The following CAMSAP2 variants were observed in gnomAD, a reference collection of about 807,000 sequenced individuals.
CAMSAP2 encodes calmodulin-regulated spectrin-associated protein 2.
CAMSAP2 carries 26 observed loss-of-function variants against 146.1 expected under a neutral mutation model. The observed-to-expected ratio is 0.18, with a 90% CI of 0.13 to 0.25. The LOEUF (loss-of-function observed/expected upper bound fraction) is 0.25. CAMSAP2 is among the 10% of genes least tolerant of loss of function. The pLI is 1.00. For missense variants in CAMSAP2, 1,381 were observed against 1,759.3 expected (o/e 0.78, Z 3.85); for synonymous variants, 499 against 596.6 (o/e 0.84, Z 2.38).
chr1:200,822,670 C>T (rs1034605752), intron 4 of CAMSAP2, among the ~76,000 whole-genome samples: 5 of 152,302 alleles, frequency 3.3e-5, no homozygotes, highest in Admixed American at 6.5e-5. Flanking sequence ...CCTCTTTTAT[C>T]CTCAGAGGAT....
rs988870423 is a variant in CAMSAP2, at chr1:200,807,493, C to G, written c.517C>G (p.Leu173Val). The G allele has an allele frequency of 6.2e-7, 1 of 1,611,568 alleles. No homozygotes were observed. The highest frequency in any genetic ancestry group is 8.5e-7 in the Non-Finnish European group (1 of 1,178,852). The change falls in exon 3 of 17, where the codon CTG becomes GTG. Residue 173 changes from leucine to valine, a missense_variant. This residue lies in a region of CAMSAP2 where 284 missense variants were observed against 406.9 expected (regional missense o/e 0.70). Transcript: ENST00000358823. Reference protein sequence around the residue: ...QYSAFFQATDLPYDIEDAVMY... With the variant: ...QYSAFFQATDVPYDIEDAVMY... ...TTCAGCTTTTTTTCAAGCCACAGAT[C>G]TGCCCTATGATATTGAGGACGCTGT...
rs552433062 is a variant in CAMSAP2, at chr1:200,761,042, A to G, written c.343A>G (p.Thr115Ala). ...TTTAGCACAGAAAGGTCTTTATGTC[A>G]CTGACCAGGAAAAATTGGTAACTGA... is the stretch of plus-strand genomic sequence containing the variant. ...QALAQKGLYV[T>A]DQEKLVTERD... The change falls in exon 2 of 17, where the codon ACT becomes GCT. Residue 115 changes from threonine to alanine, a missense_variant. This residue lies in a region of CAMSAP2 where 284 missense variants were observed against 406.9 expected (regional missense o/e 0.70). Transcript: ENST00000358823. 27 of 1,614,036 alleles carry G rather than the reference A, an allele frequency of 1.7e-5. No homozygotes were observed. The East Asian group carries it at 5.1e-4, about 31-fold the overall frequency.
chr1:200,755,316 A>G (rs1664617571), intron 1 of CAMSAP2, among the ~76,000 whole-genome samples: 1 of 152,238 alleles, frequency 6.6e-6, no homozygotes, highest in African/African-American at 2.4e-5. Flanking sequence ...ATAAAGAGAT[A>G]TATATCTGAA....
At chr1:200,818,113 C>A (rs1253756538) in intron 4 of CAMSAP2, among the ~76,000 whole-genome samples, 3 of 152,114 alleles carry the variant, frequency 2.0e-5, no homozygotes, top group Admixed American at 2.0e-4. Flanking sequence ...TGGCATCATT[C>A]TAAATTATAA....
intron 2 of CAMSAP2, among the ~76,000 whole-genome samples, chr1:200,798,888 A>C (rs1447896817): frequency 6.6e-6 from 1 of 151,000 alleles, no homozygotes; most frequent in Non-Finnish European, 1.5e-5. Context: ...GCGTTGTTGA[A>C]TTTTGTCAAA....
intron 1 of CAMSAP2, among the ~76,000 whole-genome samples, chr1:200,740,343 GTTTC>G (rs1664128144): frequency 1.3e-5 from 2 of 152,000 alleles, no homozygotes; most frequent in African/African-American, 4.8e-5. Flanking sequence ...ATCTGAGTTG[GTTTC>G]TTTATTATTG....
At chr1:200,850,727 A>G (rs1667598397) in intron 11 of CAMSAP2, among the ~76,000 whole-genome samples, 1 of 152,216 alleles carries the variant, frequency 6.6e-6, no homozygotes, top group South Asian at 2.1e-4. Flanking sequence ...ATTTATTTAC[A>G]CATCTTCACC....
chr1:200,845,716 A>C (rs1417608893), intron 8 of CAMSAP2, among the ~76,000 whole-genome samples: 1 of 152,176 alleles, frequency 6.6e-6, no homozygotes, highest in Non-Finnish European at 1.5e-5. Flanking sequence ...TCAAACAATA[A>C]AAATTTCAAG....
intron 2 of CAMSAP2, among the ~76,000 whole-genome samples, chr1:200,798,019 C>T (rs1665932994): frequency 6.6e-6 from 1 of 151,544 alleles, no homozygotes; most frequent in African/African-American, 2.4e-5. Context: ...CTGTCCTGTT[C>T]CATTGATCTA....
intron 1 of CAMSAP2, among the ~76,000 whole-genome samples, chr1:200,743,131 T>G (rs947187850): frequency 1.3e-5 from 2 of 152,204 alleles, no homozygotes; most frequent in African/African-American, 2.4e-5. Flanking sequence ...TTGAAGAGCT[T>G]AACCCATTTA....
chr1:200,838,017 A>G (rs1354085198), intron 6 of CAMSAP2, among the ~76,000 whole-genome samples: 1 of 152,316 alleles, frequency 6.6e-6, no homozygotes, highest in South Asian at 2.1e-4. Flanking sequence ...AAAAGAAGGA[A>G]AGAAGAAGCT....
At position 200,800,297 on chromosome 1, in the gene CAMSAP2, C is replaced by CT. The variant is rs536668996; in HGVS notation, c.400-7078dup. Among the ~76,000 whole-genome samples, 720 of 152,174 alleles carry CT rather than the reference C, an allele frequency of 4.7e-3. 7 individuals are homozygous for CT. Among genetic ancestry groups the CT allele is most frequent in the Non-Finnish European group, 8.3e-3 (567 of 67,990 alleles). ...TCTCCCACTATTATTGTGTGGGAGT[C>CT]TAAGTCTCTTTGTAGGCCTCTAAGA... On this transcript the variant is annotated intron_variant, in intron 2 of 16. Coordinates refer to ENST00000358823, the MANE Select transcript of CAMSAP2 (RefSeq NM_203459.4).
chr1:200,804,427 A>G (rs752380474), intron 2 of CAMSAP2, among the ~76,000 whole-genome samples: 7 of 152,154 alleles, frequency 4.6e-5, no homozygotes, highest in African/African-American at 1.2e-4. Context: ...GTTGTATAAT[A>G]TTATAATGGT....
intron 2 of CAMSAP2, among the ~76,000 whole-genome samples, chr1:200,803,157 C>T (rs150135406): frequency 3.9e-5 from 6 of 152,304 alleles, no homozygotes; most frequent in African/African-American, 1.4e-4. Context: ...GGATTTAAGT[C>T]TGCAGGTGTG....
chr1:200,759,644 A>G (rs1664745948), intron 1 of CAMSAP2, among the ~76,000 whole-genome samples: 1 of 152,224 alleles, frequency 6.6e-6, no homozygotes, highest in Admixed American at 6.5e-5. Flanking sequence ...AAAGCTGCCT[A>G]TTCAGGAAAC....
At position 200,739,525 on chromosome 1, in the gene CAMSAP2, C is replaced by T. The variant is rs1457018934; in HGVS notation, c.-303C>T. 3.6e-5 allele frequency: 6 copies of T among 166,672 alleles called. No individual in the cohort carries two copies. 10.3% of individuals were successfully genotyped at this position (166,672 alleles called of 1,614,324 possible). On this transcript the variant is annotated 5_prime_UTR_variant, in exon 1 of 17. Coordinates refer to ENST00000358823, the MANE Select transcript of CAMSAP2 (RefSeq NM_203459.4). The surrounding 1 kb of genome is among the most constrained non-coding windows in gnomAD (Gnocchi z 4.8). Reference sequence around the variant, plus strand: ...GGAGGCGGCCTCGCTCACACGCGGGCTCGCGGGGCGGGTGGCTCGGAGGGG... The same window carrying T: ...GGAGGCGGCCTCGCTCACACGCGGGTTCGCGGGGCGGGTGGCTCGGAGGGG...
chr1:200,742,805 G>A (rs1664217053), intron 1 of CAMSAP2, among the ~76,000 whole-genome samples: 1 of 151,830 alleles, frequency 6.6e-6, no homozygotes, highest in Non-Finnish European at 1.5e-5. Flanking sequence ...CATTTAAAAT[G>A]ATAGCTAGAA....
At chr1:200,762,520 A>G (rs565001529) in intron 2 of CAMSAP2, among the ~76,000 whole-genome samples, 2 of 152,188 alleles carry the variant, frequency 1.3e-5, no homozygotes, top group Non-Finnish European at 2.9e-5. Flanking sequence ...CCCTAGCTGG[A>G]CACTCCAGCT....
chr1:200,788,202 C>T (rs1665649039), intron 2 of CAMSAP2, among the ~76,000 whole-genome samples: 1 of 152,096 alleles, frequency 6.6e-6, no homozygotes, highest in Non-Finnish European at 1.5e-5. Context: ...ATTTTTATAA[C>T]TTGATTGCTC....
Sources: gnomAD v4.1 joint callset for allele counts (sites outside exome capture counted in the v4.1 genomes callset) on GRCh38, gnomAD v4.1.1 for gene constraint, gnomAD v4.1.1 regional missense constraint, Gnocchi (gnomAD v3.1) non-coding constraint, MANE v1.5 for transcripts, NCBI Gene and HGNC (gene_info 2026-07-23, HGNC 2026-07-21) for gene names.